The following TIAM2 variants were observed in gnomAD, a reference collection of about 807,000 sequenced individuals.
The protein encoded by TIAM2 is TIAM Rac1 associated GEF 2.
In TIAM2, 80 loss-of-function variants were observed where a neutral mutation model predicts 152.9. The ratio of observed to expected loss-of-function variants is 0.52; its 90% CI spans 0.44 to 0.63. The LOEUF (loss-of-function observed/expected upper bound fraction) is 0.63, where lower values mean the gene tolerates loss of function less well. Among genes scored for constraint, TIAM2 ranks in the 30% least tolerant of loss-of-function variants. The pLI, the probability that TIAM2 is intolerant of heterozygous loss-of-function variation, is 0.00. For synonymous variants in TIAM2, 804 were observed against 838.0 expected, an observed-to-expected ratio of 0.96 and a Z score of 0.70; for missense variants, 1,965 against 2,120.1, an observed-to-expected ratio of 0.93 and a Z score of 1.44.
At chr6:155,047,699 GAGAGAGCGAGAGAGAGAGAGAGAGAGC>G (rs1777220079) in intron 1 of TIAM2, among the ~76,000 whole-genome samples, 1 of 26,628 alleles carries the variant, frequency 3.8e-5, no homozygotes, top group African/African-American at 1.8e-4. Context: ...GAGAGAGAGA[GAGAGAGCGAGAGAGAGAGAGAGAGAGC>G]GAGAGAGAGA....
At chr6:155,207,091 ATACT>A in intron 14 of TIAM2, among the ~76,000 whole-genome samples, 1 of 152,310 alleles carries the variant, frequency 6.6e-6, no homozygotes, top group East Asian at 1.9e-4. Flanking sequence ...GGGGCAGGAT[ATACT>A]TACTCCCTTT....
intron 1 of TIAM2, among the ~76,000 whole-genome samples, chr6:155,027,138 C>T (rs1200094063): frequency 6.6e-6 from 1 of 151,618 alleles, no homozygotes; most frequent in Non-Finnish European, 1.5e-5. Context: ...TGGGCTCAAA[C>T]GATTCTCCTG....
rs759237326 is a variant in TIAM2, at chr6:155,130,369, G to A, written c.1146G>A (p.Arg382=). The A allele has an allele frequency of 6.2e-7, 1 of 1,614,020 alleles. No homozygotes were observed. Among genetic ancestry groups the A allele is most frequent in the Admixed American group, 1.7e-5 (1 of 60,008 alleles). Residue 382 remains arginine, a synonymous_variant, in exon 4 of 27, where the codon CGG becomes CGA. Transcript: ENST00000682666. ...ACTCCCTCAAAGCCAGGATGCGACG[G>A]ATCAGTGACTGGACGGGAAGCCTCT... is the stretch of plus-strand genomic sequence containing the variant. The part of the protein sequence containing the change: ...KKDSLKARMR[R]ISDWTGSLSR...
intron 2 of TIAM2, among the ~76,000 whole-genome samples, chr6:155,100,740 T>G (rs1425857047): frequency 6.6e-6 from 1 of 152,228 alleles, no homozygotes; most frequent in African/African-American, 2.4e-5. Flanking sequence ...TTTACATCTA[T>G]TGTTTTACAT....
intron 1 of TIAM2, among the ~76,000 whole-genome samples, chr6:155,034,053 T>C (rs1354969297): frequency 1.3e-5 from 2 of 151,700 alleles, no homozygotes; most frequent in Admixed American, 6.6e-5. Flanking sequence ...ACCTTTTTTT[T>C]TTTTTCCTGC....
intron 3 of TIAM2, among the ~76,000 whole-genome samples, chr6:155,128,757 T>G (rs1429222396): frequency 1.3e-5 from 2 of 151,230 alleles, no homozygotes; most frequent in African/African-American, 2.4e-5. Flanking sequence ...TCCCAGCTAC[T>G]TGGGAAGCTA....
In TIAM2 at chr6:155,140,295, A is replaced by G. The variant is rs77944285; in HGVS notation, c.1630+2683A>G. On this transcript the variant is annotated intron_variant, in intron 5 of 26. Coordinates refer to ENST00000682666, the MANE Select transcript of TIAM2 (RefSeq NM_012454.4). Reference sequence around the variant, plus strand: ...ATCCCTAAATGGGGAGAGAGTGAACATGTTCCCTTAAGGGGTAAACATCTG... The same window carrying G: ...ATCCCTAAATGGGGAGAGAGTGAACGTGTTCCCTTAAGGGGTAAACATCTG... 2.3e-3 allele frequency among the ~76,000 whole-genome samples: 353 copies of G among 152,270 alleles called. 10 individuals carry two copies. In the East Asian group the frequency reaches 0.059, roughly 25 times the overall value.
At chr6:155,195,716 G>A (rs952662623) in intron 14 of TIAM2, among the ~76,000 whole-genome samples, 1 of 152,224 alleles carries the variant, frequency 6.6e-6, no homozygotes, top group African/African-American at 2.4e-5. Context: ...TGTGCATAGG[G>A]CAGGCCGGTA....
In TIAM2 at chr6:155,143,304, C is replaced by CTAAT. The variant is rs201755979; in HGVS notation, c.1631-1297_1631-1294dup. On this transcript the variant is annotated intron_variant, in intron 5 of 26. Transcript: ENST00000682666. ...GTGTCTAATAATTATAATGCAATTTCTAATTAATGAAGCAAACTCTTAATA... is the reference window on the plus strand; with the variant it reads ...GTGTCTAATAATTATAATGCAATTTCTAATTAATTAATGAAGCAAACTCTTAATA... Among the ~76,000 whole-genome samples, 1,466 of 152,292 alleles carry CTAAT rather than the reference C, an allele frequency of 9.6e-3. 13 individuals are homozygous for CTAAT. The highest frequency in any genetic ancestry group is 0.041 in the Middle Eastern group (12 of 294).
At chr6:155,031,276 T>C (rs943891053) in intron 1 of TIAM2, among the ~76,000 whole-genome samples, 14 of 152,236 alleles carry the variant, frequency 9.2e-5, no homozygotes, top group Admixed American at 3.9e-4. Flanking sequence ...TTGTGCATAT[T>C]TTAGAATGAG....
intron 14 of TIAM2, among the ~76,000 whole-genome samples, chr6:155,183,971 C>A (rs1359905145): frequency 6.6e-6 from 1 of 151,700 alleles, no homozygotes; most frequent in African/African-American, 2.4e-5. Context: ...AGCAAACTTT[C>A]TTTTTTAAAA....
At position 155,257,398 on chromosome 6, in the gene TIAM2, A is replaced by ATTAAG. The variant is rs1447622479; in HGVS notation, c.*281_*285dup. The ATTAAG allele has an allele frequency of 1.2e-4, 46 of 398,354 alleles. No homozygotes were observed. Among genetic ancestry groups the ATTAAG allele is most frequent in the African/African-American group, 8.2e-4 (39 of 47,528 alleles). 24.7% of individuals were successfully genotyped at this position (398,354 alleles called of 1,614,324 possible). ...GGATCCTTAAAATTACATTCTAATA[A>ATTAAG]TTAAGTTATGTGGAAAAAGTAAGGC... On this transcript the variant is annotated 3_prime_UTR_variant, in exon 27 of 27. Transcript: ENST00000682666.
chr6:155,053,330 AC>A (rs1259737416), intron 1 of TIAM2, among the ~76,000 whole-genome samples: 3 of 152,070 alleles, frequency 2.0e-5, no homozygotes, highest in African/African-American at 7.2e-5. Context: ...TATTCTTGCC[AC>A]CTGTTTTCTG....
At chr6:155,191,751 C>T (rs1296937941) in intron 14 of TIAM2, among the ~76,000 whole-genome samples, 2 of 151,858 alleles carry the variant, frequency 1.3e-5, no homozygotes, top group South Asian at 4.2e-4. Context: ...GCCAAGATTG[C>T]GCCACTGCAT....
chr6:155,019,282 T>C (rs6904871), intron 1 of TIAM2, among the ~76,000 whole-genome samples: 110,785 of 151,596 alleles, frequency 0.73, 40,604 homozygotes, highest in East Asian at 0.81. Context: ...TGCAGTGAGC[T>C]GAGATTGGGC....
intron 15 of TIAM2, among the ~76,000 whole-genome samples, chr6:155,229,831 A>G (rs1782385517): frequency 6.6e-6 from 1 of 152,212 alleles, no homozygotes. Flanking sequence ...AGGGTGAAGG[A>G]GGAGCAAAGT....
chr6:155,099,621 CA>C (rs1263588605), intron 2 of TIAM2, among the ~76,000 whole-genome samples: 2 of 152,184 alleles, frequency 1.3e-5, no homozygotes, highest in Non-Finnish European at 2.9e-5. Context: ...AACATTGCTT[CA>C]TAACAGTGTT....
intron 9 of TIAM2, among the ~76,000 whole-genome samples, chr6:155,166,744 A>T (rs1050871072): frequency 6.6e-6 from 1 of 152,224 alleles, no homozygotes; most frequent in African/African-American, 2.4e-5. Flanking sequence ...CCTGTATTTC[A>T]TGATGCAGGT....
At chr6:155,237,914 T>C (rs112045974) in intron 15 of TIAM2, among the ~76,000 whole-genome samples, 1,870 of 152,376 alleles carry the variant, frequency 0.012, 34 homozygotes, top group Non-Finnish European at 0.015. Flanking sequence ...CATCATTGTC[T>C]TGGGGATTAA....
Sources: allele counts gnomAD v4.1 joint callset (sites outside exome capture counted in the v4.1 genomes callset), GRCh38; gene constraint gnomAD v4.1.1; transcripts MANE v1.5; gene names NCBI Gene and HGNC (gene_info 2026-07-23, HGNC 2026-07-21).